The following STAC variants were observed in gnomAD, a reference collection of about 807,000 sequenced individuals.
STAC encodes SH3 and cysteine-rich domain-containing protein.
STAC carries 43 observed loss-of-function variants against 48.8 expected under a neutral mutation model. The observed-to-expected ratio is 0.88, with a 90% confidence interval of 0.69 to 1.14. STAC has a LOEUF of 1.14. Among genes scored for constraint, STAC ranks in the 50% most tolerant of loss-of-function variants. The pLI, the probability that STAC is intolerant of heterozygous loss-of-function variation, is 0.00. For synonymous variants in STAC, 193 were observed against 179.5 expected (o/e 1.07, Z -0.60); for missense variants, 497 against 504.0 (o/e 0.99, Z 0.13).
At chr3:36,491,996 C>T (rs1274307341) in intron 5 of STAC, among the ~76,000 whole-genome samples, 12 of 58,448 alleles carry the variant, frequency 2.1e-4, no homozygotes, top group African/African-American at 7.1e-4. Context: ...GAGCAAGACT[C>T]CATCTCAAGA....
intron 10 of STAC, among the ~76,000 whole-genome samples, chr3:36,544,699 T>A (rs1025622938): frequency 6.6e-6 from 1 of 152,156 alleles, no homozygotes; most frequent in Admixed American, 6.5e-5. Flanking sequence ...AACAAACATA[T>A]GAAAAAAGTT....
intron 5 of STAC, among the ~76,000 whole-genome samples, chr3:36,488,372 G>T (rs1697872623): frequency 6.6e-6 from 1 of 152,168 alleles, no homozygotes. Flanking sequence ...CTCATGCTTG[G>T]GCAGTGTTAG....
chr3:36,423,741 A>G (rs974589889), intron 1 of STAC, among the ~76,000 whole-genome samples: 57 of 152,162 alleles, frequency 3.7e-4, no homozygotes, highest in African/African-American at 1.3e-3. Context: ...ATGTAAATAT[A>G]TAAGTATGAG....
chr3:36,471,941 C>A (rs1697348821), intron 2 of STAC, among the ~76,000 whole-genome samples: 1 of 152,224 alleles, frequency 6.6e-6, no homozygotes, highest in Admixed American at 6.5e-5. Context: ...CTCCACTAGG[C>A]AGTGCCCCAG....
Position 36,380,551 on chromosome 3 carries a change from G to A in STAC, c.-93G>A, listed in dbSNP as rs2125606914. On this transcript the variant is annotated 5_prime_UTR_variant, in exon 1 of 11. Transcript: ENST00000273183. ...CGAGGATGGGAGTCCCCAGGACCCG[G>A]AGCTGAGCAGCCTGGCGCGCGGCGG... 1 of 1,032,466 alleles carries A rather than the reference G, an allele frequency of 9.7e-7. No individual in the cohort carries two copies. Among genetic ancestry groups the A allele is most frequent in the East Asian group, 2.7e-5 (1 of 37,216 alleles). 64.0% of individuals were successfully genotyped at this position (1,032,466 alleles called of 1,614,324 possible).
intron 10 of STAC, among the ~76,000 whole-genome samples, chr3:36,543,507 G>A (rs543831846): frequency 1.4e-4 from 22 of 152,144 alleles, no homozygotes; most frequent in Non-Finnish European, 2.9e-4. Context: ...GAACCATTGT[G>A]CTTCTTGGCT....
At chr3:36,411,726 G>T (rs1408093945) in intron 1 of STAC, among the ~76,000 whole-genome samples, 1 of 152,160 alleles carries the variant, frequency 6.6e-6, no homozygotes, top group Non-Finnish European at 1.5e-5. Flanking sequence ...AGGGTTGTAG[G>T]CTGTGAAGGC....
chr3:36,460,938 A>C (rs1004041689), intron 2 of STAC, among the ~76,000 whole-genome samples: 1 of 152,210 alleles, frequency 6.6e-6, no homozygotes, highest in Non-Finnish European at 1.5e-5. Flanking sequence ...CCTTTCAAAA[A>C]TATGTAGTGT....
chr3:36,492,056 A>ATG (rs1219292484), intron 5 of STAC, among the ~76,000 whole-genome samples: 6 of 94,338 alleles, frequency 6.4e-5, no homozygotes, highest in African/African-American at 2.3e-4. Flanking sequence ...ATATATATAT[A>ATG]TATATATATA....
chr3:36,537,511 G>T (rs1350379633), intron 10 of STAC, among the ~76,000 whole-genome samples: 1 of 152,124 alleles, frequency 6.6e-6, no homozygotes, highest in Non-Finnish European at 1.5e-5. Context: ...CATGGACACA[G>T]GGAGGGAACA....
intron 2 of STAC, among the ~76,000 whole-genome samples, chr3:36,454,579 G>T (rs945026554): frequency 1.3e-5 from 2 of 152,096 alleles, no homozygotes; most frequent in Non-Finnish European, 2.9e-5. Context: ...GAAAGACATG[G>T]ATACTATCTC....
intron 6 of STAC, among the ~76,000 whole-genome samples, chr3:36,501,405 T>C (rs4624518): frequency 0.45 from 68,947 of 151,816 alleles, 16,318 homozygotes; most frequent in East Asian, 0.61. Flanking sequence ...TTAAACAAAA[T>C]TACAATCTCT....
At chr3:36,425,721 AT>A (rs61182575) in intron 1 of STAC, among the ~76,000 whole-genome samples, 3,539 of 152,310 alleles carry the variant, frequency 0.023, 60 homozygotes, top group East Asian at 0.026. Flanking sequence ...TTAAAAGAAA[AT>A]GTTAGAAAAA....
Position 36,380,581 on chromosome 3 carries a change from G to C in STAC, c.-63G>C. The C allele has an allele frequency of 7.4e-7, 1 of 1,350,646 alleles. No individual in the cohort carries two copies. Among genetic ancestry groups the C allele is most frequent in the South Asian group, 1.3e-5 (1 of 79,926 alleles). The allele number at this position is 1,350,646 out of a possible 1,614,324, so 83.7% of individuals were successfully genotyped here. ...GAGCAGCCTGGCGCGCGGCGGGCAG[G>C]GCGCGCAGGACAGAAGCCTCGCTGT... On this transcript the variant is annotated 5_prime_UTR_variant, in exon 1 of 11. Transcript: ENST00000273183.
chr3:36,459,794 G>A (rs1324397967), intron 2 of STAC, among the ~76,000 whole-genome samples: 1 of 152,114 alleles, frequency 6.6e-6, no homozygotes, highest in Non-Finnish European at 1.5e-5. Context: ...GATGAAAGAG[G>A]GGGAGAATAA....
chr3:36,507,948 T>G (rs1396405612), intron 8 of STAC, among the ~76,000 whole-genome samples: 1 of 152,198 alleles, frequency 6.6e-6, no homozygotes, highest in Non-Finnish European at 1.5e-5. Flanking sequence ...TAGTTATTTC[T>G]TGTCTTCTGC....
At chr3:36,524,621 G>A (rs1034352236) in intron 8 of STAC, among the ~76,000 whole-genome samples, 3 of 151,836 alleles carry the variant, frequency 2.0e-5, no homozygotes, top group Non-Finnish European at 4.4e-5. Context: ...TAAAATATAT[G>A]TATATAAAAA....
At chr3:36,498,136 T>C (rs1698191713) in intron 6 of STAC, among the ~76,000 whole-genome samples, 1 of 152,084 alleles carries the variant, frequency 6.6e-6, no homozygotes, top group Non-Finnish European at 1.5e-5. Flanking sequence ...AATTAAGAAA[T>C]ATATAACTAT....
intron 2 of STAC, among the ~76,000 whole-genome samples, chr3:36,452,817 C>T (rs1018687248): frequency 6.6e-6 from 1 of 152,146 alleles, no homozygotes; most frequent in African/African-American, 2.4e-5. Flanking sequence ...TAGACATTAC[C>T]TAGAAAGTGG....
Sources: allele counts gnomAD v4.1 joint callset (sites outside exome capture counted in the v4.1 genomes callset), GRCh38; gene constraint gnomAD v4.1.1; transcripts MANE v1.5; gene names NCBI Gene and HGNC (gene_info 2026-07-23, HGNC 2026-07-21).